ARL13B: variants seen among roughly 807,000 people sequenced by gnomAD.
ARL13B encodes the protein ADP-ribosylation factor-like protein 13B.
Under a neutral mutation model 56.1 loss-of-function variants are expected in ARL13B, and 36 were observed. The observed-to-expected ratio is 0.64, with a 90% confidence interval of 0.49 to 0.85. ARL13B has a LOEUF of 0.85. ARL13B is among the 40% of genes least tolerant of loss of function. The pLI is 0.00. For synonymous variants in ARL13B, 178 were observed against 171.1 expected (o/e 1.04, Z -0.32); for missense variants, 519 against 507.1 (o/e 1.02, Z -0.23).
At chr3:94,000,561 A>C (rs1003426414) in intron 2 of ARL13B, among the ~76,000 whole-genome samples, 4 of 151,904 alleles carry the variant, frequency 2.6e-5, no homozygotes, top group South Asian at 2.1e-4. Context: ...GAAAAAAAAA[A>C]CAAAAAAATT....
At position 94,043,034 on chromosome 3, in the gene ARL13B, G is replaced by C. The variant is rs1560009891; in HGVS notation, c.818G>C (p.Arg273Thr). The stretch of plus-strand genomic sequence containing the variant: ...TGTTAGAATGAAGGAAAACTTGAAA[G>C]AGAGAAAAAAAACCAAAAAATGGAG... ...VIIENEGKLE[R>T]EKKNQKMEKD... is the part of the protein sequence containing the mutation. The change falls in exon 7 of 10, where the codon AGA becomes ACA. Residue 273 changes from arginine to threonine, a missense_variant. Arg to Thr is a moderately conservative substitution (Grantham distance 71). Coordinates refer to ENST00000394222, the MANE Select transcript of ARL13B (RefSeq NM_001174150.2). The C allele has an allele frequency of 6.2e-7, 1 of 1,609,266 alleles. No homozygotes were observed. Among genetic ancestry groups the C allele is most frequent in the Non-Finnish European group, 8.5e-7 (1 of 1,178,422 alleles).
At chr3:93,981,772 G>A (rs1204851651) in intron 1 of ARL13B, among the ~76,000 whole-genome samples, 1 of 149,528 alleles carries the variant, frequency 6.7e-6, no homozygotes, top group African/African-American at 2.5e-5. Flanking sequence ...TACTTCGGAG[G>A]CTGAATCAGT....
At chr3:94,018,938 G>T (rs1417765793) in intron 3 of ARL13B, among the ~76,000 whole-genome samples, 1 of 151,862 alleles carries the variant, frequency 6.6e-6, no homozygotes, top group African/African-American at 2.4e-5. Context: ...GCTAATTTTT[G>T]TATTTTTATT....
chr3:94,055,188 T>G lies in ARL13B; in HGVS notation c.*1925T>G, dbSNP rs773990839. 2.7e-6 allele frequency: 1 copy of G among 374,826 alleles called. No individual in the cohort carries two copies. Among genetic ancestry groups the G allele is most frequent in the South Asian group, 2.1e-5 (1 of 47,532 alleles). The allele number at this position is 374,826 out of a possible 1,614,324, so 23.2% of individuals were successfully genotyped here. A position where few individuals can be genotyped will look rare whatever the true frequency, so the allele number is the denominator to read the frequency against. ...ATGTTTTGTAAATCCAGGTGTATTT[T>G]AACAATTAAATGCCTATTTTGTTAT... On this transcript the variant is annotated 3_prime_UTR_variant, in exon 10 of 10. Coordinates refer to ENST00000394222, the MANE Select transcript of ARL13B (RefSeq NM_001174150.2).
Position 94,049,527 on chromosome 3 carries a change from G to T in ARL13B, c.1141+5G>T. ...CACCCCCACCCCCTCCTCCTGGTGA[G>T]TAAATTGATACTGATACTGAATTTA... On this transcript the variant is annotated splice_donor_5th_base_variant and intron_variant, in intron 8 of 9. Coordinates refer to ENST00000394222, the MANE Select transcript of ARL13B (RefSeq NM_001174150.2). 6.6e-7 allele frequency: 1 copy of T among 1,523,448 alleles called. No homozygotes were observed. Among genetic ancestry groups the T allele is most frequent in the Non-Finnish European group, 9.0e-7 (1 of 1,104,996 alleles). The allele number at this position is 1,523,448 out of a possible 1,614,324, so 94.4% of individuals were successfully genotyped here.
chr3:94,043,060 A>G lies in ARL13B; in HGVS notation c.844A>G (p.Lys282Glu). 6.2e-7 allele frequency: 1 copy of G among 1,612,850 alleles called. No homozygotes were observed. The highest frequency in any genetic ancestry group is 8.5e-7 in the Non-Finnish European group (1 of 1,179,754). ...EREKKNQKME[K>E]DSDGCHLKHK... ...AGAGAAAAAAAACCAAAAAATGGAG[A>G]AAGACAGTGATGGCTGCCACCTGAA... is the stretch of plus-strand genomic sequence containing the variant. The change falls in exon 7 of 10, where the codon AAA (lysine) becomes GAA (glutamate). Residue 282 changes from lysine (K) to glutamate (E), a missense_variant. Transcript: ENST00000394222.
In ARL13B at chr3:94,050,883, C is replaced by T. The variant is rs554056241; in HGVS notation, c.1201C>T (p.His401Tyr). The stretch of plus-strand genomic sequence containing the variant: ...AAAACTTGAGCCTCTTGGTGAAACA[C>T]ATCATAATGGTAATGCAAAAGGATT... ...LPKLEPLGET[H>Y]HNDFYRKPLP... is the part of the protein sequence containing the mutation. Residue 401 changes from histidine (H) to tyrosine (Y), a missense_variant, in exon 9 of 10, where the codon CAT becomes TAT. His to Tyr is a moderately conservative substitution (Grantham distance 83, BLOSUM62 2). Transcript: ENST00000394222. 3 of 1,612,974 alleles carry T rather than the reference C, an allele frequency of 1.9e-6. No individual in the cohort carries two copies. The highest frequency in any genetic ancestry group is 2.5e-6 in the Non-Finnish European group (3 of 1,179,618).
At chr3:94,043,410 C>G (rs1003899863) in intron 7 of ARL13B, among the ~76,000 whole-genome samples, 170 bp downstream of exon 7, 1 of 151,014 alleles carries the variant, frequency 6.6e-6, no homozygotes, top group Non-Finnish European at 1.5e-5. Flanking sequence ...TCAGTTTGTT[C>G]CTAACCTGTT....
At chr3:94,018,873 C>T (rs919729564) in intron 3 of ARL13B, among the ~76,000 whole-genome samples, 14 of 152,158 alleles carry the variant, frequency 9.2e-5, no homozygotes, top group Non-Finnish European at 1.3e-4. Context: ...TCAAGCAATT[C>T]TCCTGCCTCA....
chr3:94,001,181 T>G (rs2076050339), intron 2 of ARL13B, among the ~76,000 whole-genome samples: 1 of 152,158 alleles, frequency 6.6e-6, no homozygotes, highest in African/African-American at 2.4e-5. Flanking sequence ...GGGAAAGTTG[T>G]ACCTGAACAT....
chr3:94,029,595 C>T (rs886236433), intron 3 of ARL13B, among the ~76,000 whole-genome samples: 2 of 151,736 alleles, frequency 1.3e-5, no homozygotes, highest in African/African-American at 4.8e-5. Flanking sequence ...CCTGCCTCAG[C>T]CTCCCAAAGT....
chr3:93,993,874 T>C (rs995853068), intron 1 of ARL13B, among the ~76,000 whole-genome samples: 5 of 152,226 alleles, frequency 3.3e-5, no homozygotes, highest in African/African-American at 1.2e-4. Context: ...CATAAATCTA[T>C]AATCTGCTGT....
Position 94,049,510 on chromosome 3 carries a change from C to G in ARL13B, c.1129C>G (p.Pro377Ala). 1 of 1,597,134 alleles carries G rather than the reference C, an allele frequency of 6.3e-7. No individual in the cohort carries two copies. Among genetic ancestry groups the G allele is most frequent in the Non-Finnish European group, 8.6e-7 (1 of 1,168,364 alleles). ...CAPESPTPPP[P>A]PPPVGWGTPK... The stretch of plus-strand genomic sequence containing the variant: ...TCCTGAGAGTCCAACGCCACCCCCA[C>G]CCCCTCCTCCTGGTGAGTAAATTGA... Residue 377 changes from proline to alanine, a missense_variant, in exon 8 of 10, where the codon CCC becomes GCC. Coordinates refer to ENST00000394222, the MANE Select transcript of ARL13B (RefSeq NM_001174150.2).
At chr3:94,032,281 CCAA>C (rs2107092223) in intron 3 of ARL13B, among the ~76,000 whole-genome samples, 1 of 152,174 alleles carries the variant, frequency 6.6e-6, no homozygotes, top group East Asian at 1.9e-4. Flanking sequence ...ATACAGATGG[CCAA>C]CAAGCATATG....
At chr3:93,994,124 A>G (rs1326003244) in intron 1 of ARL13B, among the ~76,000 whole-genome samples, 2 of 152,184 alleles carry the variant, frequency 1.3e-5, no homozygotes, top group Non-Finnish European at 2.9e-5. Flanking sequence ...AATCCTCACA[A>G]TGGCCTATGG....
chr3:94,000,335 C>A (rs1393248937), intron 2 of ARL13B, among the ~76,000 whole-genome samples: 1 of 152,078 alleles, frequency 6.6e-6, no homozygotes, highest in Admixed American at 6.6e-5. Context: ...ATGGCCACCC[C>A]TTGCTGCCGT....
At chr3:94,038,026 A>C (rs1396988455) in intron 5 of ARL13B, among the ~76,000 whole-genome samples, 1 of 152,190 alleles carries the variant, frequency 6.6e-6, no homozygotes, top group Non-Finnish European at 1.5e-5. Context: ...CGGGTGATTA[A>C]AAACAAGCTT....
chr3:94,036,882 T>C, intron 5 of ARL13B, 128 bp downstream of exon 5: 1 of 1,067,244 alleles, frequency 9.4e-7, no homozygotes, highest in South Asian at 1.5e-5. Context: ...AGGTAAATTT[T>C]GTATTTCTGT....
chr3:94,038,806 C>T (rs1344536166), intron 5 of ARL13B, among the ~76,000 whole-genome samples: 1 of 152,044 alleles, frequency 6.6e-6, no homozygotes, highest in East Asian at 1.9e-4. Context: ...CAGGCGTGAG[C>T]CACCGCACCC....
Sources: allele counts gnomAD v4.1 joint callset (sites outside exome capture counted in the v4.1 genomes callset), GRCh38; gene constraint gnomAD v4.1.1; transcripts MANE v1.5; gene names NCBI Gene and HGNC (gene_info 2026-07-23, HGNC 2026-07-21).